DMD: variants seen among roughly 807,000 people sequenced by gnomAD.
DMD encodes the protein dystrophin, also known as mutant dystrophin.
In DMD, 63 loss-of-function variants were observed where a neutral mutation model predicts 330.1. That is an observed-to-expected ratio of 0.19 (90% CI 0.16 to 0.24). The LOEUF (loss-of-function observed/expected upper bound fraction) is 0.24, where lower values mean the gene tolerates loss of function less well. Ranked by LOEUF, DMD falls within the 10% of genes least tolerant of loss-of-function variation. The pLI, the probability that DMD is intolerant of heterozygous loss-of-function variation, is 1.00. For missense variants in DMD, 3,344 were observed against 2,684.1 expected (o/e 1.25, Z -5.43); for synonymous variants, 1,223 against 959.8 (o/e 1.27, Z -5.07).
intron 60 of DMD, among the ~76,000 whole-genome samples, chrX:31,367,274 A>T (rs1046197624): frequency 2.7e-5 from 3 of 111,727 alleles, no homozygotes; most frequent in Non-Finnish European, 5.6e-5. Context: ...ATTATGCCCT[A>T]TGGAAAAATA....
intron 4 of DMD, among the ~76,000 whole-genome samples, chrX:32,832,848 G>A (rs1026816962): frequency 9.0e-6 from 1 of 111,121 alleles, no homozygotes; most frequent in Non-Finnish European, 1.9e-5. Flanking sequence ...GGGCCATATT[G>A]CCACTGTGGA....
At chrX:31,713,591 C>T (rs926527928) in intron 52 of DMD, among the ~76,000 whole-genome samples, 4 of 111,736 alleles carry the variant, frequency 3.6e-5, no homozygotes, top group South Asian at 3.7e-4. Context: ...AATGAATAAA[C>T]GGATGGATGT....
chrX:31,215,984 G>A (rs12690302), intron 64 of DMD, among the ~76,000 whole-genome samples: 6,363 of 112,205 alleles, frequency 0.057, 380 homozygotes, highest in East Asian at 0.47. Context: ...ACATTTTTGT[G>A]TCTCATGTGT....
chrX:32,332,838 ATTT>A, intron 41 of DMD, among the ~76,000 whole-genome samples: 1 of 107,104 alleles, frequency 9.3e-6, no homozygotes, highest in East Asian at 2.9e-4. Context: ...GCATGCGTAG[ATTT>A]TTTTTTTTCT....
intron 63 of DMD, among the ~76,000 whole-genome samples, chrX:31,234,602 G>T (rs1010574270): frequency 1.8e-5 from 2 of 111,684 alleles, no homozygotes; most frequent in Admixed American, 1.9e-4. Flanking sequence ...AAGCCCAGGG[G>T]TTAAAGATTC....
intron 27 of DMD, among the ~76,000 whole-genome samples, chrX:32,441,682 C>T (rs1196463358): frequency 9.0e-6 from 1 of 111,557 alleles, no homozygotes. Context: ...GTGACCTCCT[C>T]TGAAATTTAT....
chrX:31,123,049 A>G (rs1674261033), intron 78 of DMD, among the ~76,000 whole-genome samples: 1 of 111,726 alleles, frequency 9.0e-6, no homozygotes, highest in Admixed American at 9.5e-5. Context: ...TCCCATAATA[A>G]TTGTTAAAAA....
chrX:32,353,424 C>A (rs1242671659), intron 37 of DMD, among the ~76,000 whole-genome samples: 6 of 111,380 alleles, frequency 5.4e-5, no homozygotes, highest in African/African-American at 1.6e-4. Flanking sequence ...GTATATCATG[C>A]CTGCTTTTCA....
At chrX:31,272,825 T>C (rs1368724116) in intron 62 of DMD, among the ~76,000 whole-genome samples, 1 of 112,365 alleles carries the variant, frequency 8.9e-6, no homozygotes, top group Non-Finnish European at 1.9e-5. Flanking sequence ...AAATTCTATT[T>C]TATCAGACTT....
At chrX:32,629,011 T>A (rs1306735446) in intron 11 of DMD, among the ~76,000 whole-genome samples, 2 of 112,184 alleles carry the variant, frequency 1.8e-5, no homozygotes, top group Non-Finnish European at 3.8e-5. Flanking sequence ...AAATGTTCTG[T>A]AAATATCTAT....
intron 43 of DMD, among the ~76,000 whole-genome samples, chrX:32,228,737 A>G (rs2097156998): frequency 8.9e-6 from 1 of 111,788 alleles, no homozygotes; most frequent in Non-Finnish European, 1.9e-5. Flanking sequence ...ATATGGTGTT[A>G]GACATCCTAG....
At chrX:32,331,103 G>T (rs1335845162) in intron 41 of DMD, among the ~76,000 whole-genome samples, 2 of 111,633 alleles carry the variant, frequency 1.8e-5, no homozygotes, top group Non-Finnish European at 3.8e-5. Flanking sequence ...AAGGATAAGA[G>T]ATACCCTTTG....
chrX:32,360,705 T>C (rs113005438), intron 37 of DMD, among the ~76,000 whole-genome samples: 2,812 of 108,338 alleles, frequency 0.026, 85 homozygotes, highest in African/African-American at 0.085. Context: ...GAGAATCACT[T>C]GATTCCAGGA....
chrX:31,440,147 CTT>C (rs56881685), intron 60 of DMD, among the ~76,000 whole-genome samples: 10,069 of 92,301 alleles, frequency 0.11, 456 homozygotes, highest in East Asian at 0.19. Context: ...TAAAGTATTG[CTT>C]TTTTTTTTTT....
intron 11 of DMD, among the ~76,000 whole-genome samples, chrX:32,635,276 C>G (rs1244847514): frequency 9.0e-6 from 1 of 111,495 alleles, no homozygotes; most frequent in Non-Finnish European, 1.9e-5. Context: ...TTCTGTGCCT[C>G]TTTCTGTGAT....
At chrX:32,737,528 G>T (rs757766802) in intron 7 of DMD, among the ~76,000 whole-genome samples, 1 of 111,125 alleles carries the variant, frequency 9.0e-6, no homozygotes, top group Admixed American at 9.6e-5. Context: ...ATATTAGCAT[G>T]TAGTTTTGGG....
chrX:32,389,245 TA>T (rs1337839944), intron 32 of DMD, among the ~76,000 whole-genome samples: 1 of 111,406 alleles, frequency 9.0e-6, no homozygotes, highest in Non-Finnish European at 1.9e-5. Context: ...CCATTTAAAA[TA>T]TATTTAAAGA....
At chrX:32,479,039 A>G (rs2041539400) in intron 21 of DMD, among the ~76,000 whole-genome samples, 1 of 111,510 alleles carries the variant, frequency 9.0e-6, no homozygotes, top group Admixed American at 9.6e-5. Context: ...CACTACAGAA[A>G]TATTTATTAG....
chrX:33,024,470 A>G, intron 1 of DMD, among the ~76,000 whole-genome samples: 1 of 112,006 alleles, frequency 8.9e-6, no homozygotes, highest in East Asian at 2.8e-4. Context: ...AAAACTGACC[A>G]ACGTTTTATT....
Sources: gnomAD v4.1 joint callset for allele counts (sites outside exome capture counted in the v4.1 genomes callset) on GRCh38, gnomAD v4.1.1 for gene constraint, MANE v1.5 for transcripts, NCBI Gene and HGNC (gene_info 2026-07-23, HGNC 2026-07-21) for gene names.